Variants in CTNNA3 observed in about 807,000 individuals in gnomAD.
CTNNA3 encodes catenin alpha 3.
CTNNA3 carries 76 observed loss-of-function variants against 95.7 expected under a neutral mutation model. The ratio of observed to expected loss-of-function variants is 0.79; its 90% CI spans 0.66 to 0.96. The LOEUF (loss-of-function observed/expected upper bound fraction) is 0.96, where lower values mean the gene tolerates loss of function less well. Ranked by LOEUF, CTNNA3 falls within the 40% of genes least tolerant of loss-of-function variation. The pLI, the probability that CTNNA3 is intolerant of heterozygous loss-of-function variation, is 0.00. For synonymous variants in CTNNA3, 431 were observed against 374.4 expected, an observed-to-expected ratio of 1.15 and a Z score of -1.74; for missense variants, 1,191 against 1,089.8, an observed-to-expected ratio of 1.09 and a Z score of -1.31.
intron 5 of CTNNA3, among the ~76,000 whole-genome samples, chr10:67,512,942 G>C (rs529594970): frequency 6.6e-6 from 1 of 152,116 alleles, no homozygotes; most frequent in Non-Finnish European, 1.5e-5. Context: ...CCAAGATCGC[G>C]TCACTGACTC....
intron 12 of CTNNA3, among the ~76,000 whole-genome samples, chr10:66,285,042 A>G (rs2091561436): frequency 6.6e-6 from 1 of 151,868 alleles, no homozygotes; most frequent in East Asian, 1.9e-4. Flanking sequence ...ATCATATATC[A>G]TACAAATCAA....
At chr10:67,552,706 C>A (rs1416963399) in intron 3 of CTNNA3, among the ~76,000 whole-genome samples, 1 of 152,058 alleles carries the variant, frequency 6.6e-6, no homozygotes, top group African/African-American at 2.4e-5. Flanking sequence ...TGTGTTGTTC[C>A]CGCCTTGTGC....
chr10:67,614,682 C>G (rs1843589703), intron 2 of CTNNA3, among the ~76,000 whole-genome samples: 2 of 152,168 alleles, frequency 1.3e-5, no homozygotes, highest in South Asian at 4.1e-4. Context: ...CTGTGTGGCC[C>G]AGTTCCTAAC....
chr10:66,235,726 T>C (rs930213387), intron 13 of CTNNA3, among the ~76,000 whole-genome samples: 5 of 152,042 alleles, frequency 3.3e-5, no homozygotes, highest in Admixed American at 6.6e-5. Flanking sequence ...TATTGGAGTG[T>C]GAAAGGCAAA....
At chr10:67,189,444 C>T (rs955966184) in intron 6 of CTNNA3, among the ~76,000 whole-genome samples, 4 of 151,850 alleles carry the variant, frequency 2.6e-5, no homozygotes, top group Non-Finnish European at 5.9e-5. Flanking sequence ...GTACTGTGTA[C>T]TTGAAAATTG....
intron 1 of CTNNA3, among the ~76,000 whole-genome samples, chr10:67,665,374 T>C (rs1334405645): frequency 6.6e-6 from 1 of 152,194 alleles, no homozygotes; most frequent in African/African-American, 2.4e-5. Flanking sequence ...AAATTAGTTA[T>C]AAAAGTAAAA....
rs1405140553 is a variant in CTNNA3 at position 67,418,512 on chromosome 10, T to C, written c.579+103330A>G. On this transcript the variant is annotated intron_variant, in intron 5 of 17. Transcript: ENST00000433211. ...CACACACAATTGAATACTATTTCAC[T>C]GTAAAAAAAAAAAAAGACAATATTG... 9.0e-5 allele frequency among the ~76,000 whole-genome samples: 3 copies of C among 33,286 alleles called. No homozygotes were observed. The East Asian group carries it at 5.1e-3, about 56-fold the overall frequency. The allele number at this position is 33,286 out of a possible 152,430, so 21.8% of individuals were successfully genotyped here. A position where few individuals can be genotyped will look rare whatever the true frequency, so the allele number is the denominator to read the frequency against.
intron 7 of CTNNA3, among the ~76,000 whole-genome samples, chr10:67,000,427 T>A (rs751269447): frequency 6.6e-6 from 1 of 152,202 alleles, no homozygotes; most frequent in Non-Finnish European, 1.5e-5. Context: ...CTACTTATTG[T>A]GATGATGTTG....
intron 7 of CTNNA3, among the ~76,000 whole-genome samples, chr10:66,853,790 A>T (rs1346864927): frequency 6.6e-6 from 1 of 152,098 alleles, no homozygotes; most frequent in Non-Finnish European, 1.5e-5. Context: ...TTGCTATTAG[A>T]GGCTATCTGA....
At chr10:65,943,885 A>G (rs1318387160) in intron 17 of CTNNA3, among the ~76,000 whole-genome samples, 1 of 152,266 alleles carries the variant, frequency 6.6e-6, no homozygotes, top group Non-Finnish European at 1.5e-5. Flanking sequence ...GATGTTGTAT[A>G]TAAAACATAG....
intron 11 of CTNNA3, among the ~76,000 whole-genome samples, chr10:66,492,297 G>C (rs778160239): frequency 3.0e-4 from 45 of 151,896 alleles, no homozygotes; most frequent in Middle Eastern, 3.4e-3. Flanking sequence ...TTTTGTTTTT[G>C]TTTTGAGACA....
At chr10:66,241,647 C>G (rs374874594) in intron 13 of CTNNA3, among the ~76,000 whole-genome samples, 212 of 150,452 alleles carry the variant, frequency 1.4e-3, no homozygotes, top group African/African-American at 4.7e-3. Context: ...CCAGCCCCCC[C>G]ACCTCCTCAC....
At chr10:66,512,355 A>C (rs1211330916) in intron 11 of CTNNA3, among the ~76,000 whole-genome samples, 1 of 152,004 alleles carries the variant, frequency 6.6e-6, no homozygotes, top group Non-Finnish European at 1.5e-5. Context: ...GGGAATTTAA[A>C]CGGTTTACAT....
intron 15 of CTNNA3, among the ~76,000 whole-genome samples, chr10:66,020,329 T>C (rs978123198): frequency 6.6e-6 from 1 of 152,124 alleles, no homozygotes; most frequent in Non-Finnish European, 1.5e-5. Flanking sequence ...ACATATGAGT[T>C]CCTGGGAAGA....
chr10:67,135,228 G>A lies in CTNNA3; in HGVS notation c.1047+45089C>T, dbSNP rs538210636. ...TTTGTTAGGTTGACACAGATGGCAG[G>A]GAATAAAAGAATGGTGGTACTAATT... On this transcript the variant is annotated intron_variant, in intron 7 of 17. Transcript: ENST00000433211. Among the ~76,000 whole-genome samples, 3 of 152,208 alleles carry A rather than the reference G, an allele frequency of 2.0e-5. No homozygotes were observed. In the South Asian group the frequency reaches 6.2e-4, roughly 32 times the overall value.
At chr10:66,260,328 G>T (rs140357868) in intron 13 of CTNNA3, among the ~76,000 whole-genome samples, 3 of 151,950 alleles carry the variant, frequency 2.0e-5, no homozygotes, top group Non-Finnish European at 4.4e-5. Flanking sequence ...CTCCCTAGTT[G>T]TCATTTATTG....
At chr10:66,061,740 A>G (rs1269484600) in intron 15 of CTNNA3, among the ~76,000 whole-genome samples, 1 of 151,918 alleles carries the variant, frequency 6.6e-6, no homozygotes, top group Non-Finnish European at 1.5e-5. Context: ...TCTCACATAC[A>G]TCATCACCTT....
chr10:66,942,548 G>GTCTCTCTCTCTCTC (rs67598003), intron 7 of CTNNA3, among the ~76,000 whole-genome samples: 3 of 148,030 alleles, frequency 2.0e-5, no homozygotes, highest in African/African-American at 7.4e-5. Flanking sequence ...TTGCCATAAT[G>GTCTCTCTCTCTCTC]TCTCTCTCTC....
intron 11 of CTNNA3, among the ~76,000 whole-genome samples, chr10:66,409,205 A>C (rs1374073336): frequency 6.6e-6 from 1 of 152,142 alleles, no homozygotes; most frequent in Admixed American, 6.6e-5. Flanking sequence ...ATGGTTAATG[A>C]GGGTGGGTTC....
Sources: gnomAD v4.1 joint callset for allele counts (sites outside exome capture counted in the v4.1 genomes callset) on GRCh38, gnomAD v4.1.1 for gene constraint, MANE v1.5 for transcripts, NCBI Gene and HGNC (gene_info 2026-07-23, HGNC 2026-07-21) for gene names.